The following DCUN1D4 variants were observed in gnomAD, a reference collection of about 807,000 sequenced individuals.
DCUN1D4 encodes the protein DCN1-like protein 4.
In DCUN1D4, 22 loss-of-function variants were observed where a neutral mutation model predicts 47.9. The observed-to-expected ratio is 0.46, with a 90% CI of 0.33 to 0.66. The LOEUF is 0.66. Ranked by LOEUF, DCUN1D4 falls within the 30% of genes least tolerant of loss-of-function variation. The pLI is 0.02. For missense variants in DCUN1D4, 301 were observed against 340.8 expected (o/e 0.88, Z 0.92); for synonymous variants, 121 against 112.2 (o/e 1.08, Z -0.50).
rs760026098 is a variant in DCUN1D4 at position 51,913,546 on chromosome 4, G to A, written c.841G>A (p.Glu281Lys). 1.9e-6 allele frequency: 3 copies of A among 1,612,526 alleles called. No individual in the cohort carries two copies. The highest frequency in any genetic ancestry group is 2.5e-6 in the Non-Finnish European group (3 of 1,179,100). ...EDGAWPVLLD[E>K]FVEWYKDKQM... Reference sequence around the variant, plus strand: ...CTCTCCAGGGCCAGTTTTGTTGGACGAGTTTGTGGAGTGGTATAAAGACAA... The same window carrying A: ...CTCTCCAGGGCCAGTTTTGTTGGACAAGTTTGTGGAGTGGTATAAAGACAA... Residue 281 changes from glutamate to lysine, a missense_variant, in exon 11 of 11, where the codon GAG becomes AAG. Glu to Lys is a moderately conservative substitution (Grantham distance 56). Coordinates refer to ENST00000334635, the MANE Select transcript of DCUN1D4 (RefSeq NM_001040402.3).
At chr4:51,842,479 A>C (rs995084425), upstream of DCUN1D4, among the ~76,000 whole-genome samples, 3 of 152,234 alleles carry the variant, frequency 2.0e-5, no homozygotes, top group African/African-American at 7.2e-5. Context: ...TGGGGAGAGG[A>C]TGGATCTTCG....
intron 3 of DCUN1D4, among the ~76,000 whole-genome samples, chr4:51,866,619 C>A (rs1290604669): frequency 6.6e-6 from 1 of 152,102 alleles, no homozygotes; most frequent in Non-Finnish European, 1.5e-5. Context: ...AACTTTTAGC[C>A]ACCACTAATA....
intron 8 of DCUN1D4, among the ~76,000 whole-genome samples, chr4:51,900,272 G>A (rs560978510): frequency 2.0e-5 from 3 of 151,490 alleles, no homozygotes; most frequent in Non-Finnish European, 4.4e-5. Context: ...GAATTTTGAT[G>A]CATCTTGCAA....
chr4:51,887,700 G>GA (rs1729723038), intron 6 of DCUN1D4, among the ~76,000 whole-genome samples: 1 of 152,160 alleles, frequency 6.6e-6, no homozygotes, highest in South Asian at 2.1e-4. Flanking sequence ...CTGTTTCCAA[G>GA]ACATCTGGTG....
chr4:51,915,283 A>G lies in DCUN1D4; in HGVS notation c.*1699A>G, dbSNP rs1035008868. On this transcript the variant is annotated 3_prime_UTR_variant, in exon 11 of 11. Coordinates refer to ENST00000334635, the MANE Select transcript of DCUN1D4 (RefSeq NM_001040402.3). ...AATCATGATATAGTAGAATGCAACTACTTTCTTTTTCTACCAAACGAAAGG... is the reference window on the plus strand; with the variant it reads ...AATCATGATATAGTAGAATGCAACTGCTTTCTTTTTCTACCAAACGAAAGG... 2 of 152,584 alleles carry G rather than the reference A, an allele frequency of 1.3e-5. No individual in the cohort carries two copies. The highest frequency in any genetic ancestry group is 4.8e-5 in the African/African-American group (2 of 41,442). The allele number at this position is 152,584 out of a possible 1,614,324, so 9.5% of individuals were successfully genotyped here. A position where few individuals can be genotyped will look rare whatever the true frequency, so the allele number is the denominator to read the frequency against.
upstream of DCUN1D4, among the ~76,000 whole-genome samples, chr4:51,841,804 A>G (rs1337918995): frequency 1.3e-5 from 2 of 151,986 alleles, no homozygotes; most frequent in Non-Finnish European, 2.9e-5. Flanking sequence ...GAAACCCAAA[A>G]GCCTGGGCTG....
chr4:51,835,638 G>A, the DCUN1D4 span, among the ~76,000 whole-genome samples: 1 of 152,132 alleles, frequency 6.6e-6, no homozygotes, highest in Non-Finnish European at 1.5e-5. Context: ...TAGCCTGTGG[G>A]GTGGGGACAG....
the DCUN1D4 span, among the ~76,000 whole-genome samples, chr4:51,835,397 A>G: frequency 6.6e-6 from 1 of 152,252 alleles, no homozygotes; most frequent in Non-Finnish European, 1.5e-5. Context: ...TACCTGCTAC[A>G]AAGTCAGTGG....
chr4:51,909,493 A>C (rs1045889763), intron 8 of DCUN1D4: 5 of 156,564 alleles, frequency 3.2e-5, no homozygotes, highest in African/African-American at 1.2e-4. Context: ...GTGTCATCAC[A>C]GAAGTGTAAG....
At chr4:51,836,957 GC>G in the DCUN1D4 span, among the ~76,000 whole-genome samples, 1 of 152,188 alleles carries the variant, frequency 6.6e-6, no homozygotes, top group South Asian at 2.1e-4. Context: ...GAAATTAAGA[GC>G]CTGACAATAC....
intron 8 of DCUN1D4, among the ~76,000 whole-genome samples, chr4:51,908,084 G>A (rs182359978): frequency 6.2e-4 from 95 of 152,152 alleles, no homozygotes; most frequent in Admixed American, 1.2e-3. Context: ...AAAATATAAC[G>A]TAGAATATTT....
At chr4:51,848,514 C>T (rs993336371) in intron 1 of DCUN1D4, 2 of 588,260 alleles carry the variant, frequency 3.4e-6, no homozygotes, top group African/African-American at 4.1e-5. Context: ...GTAAAATTTT[C>T]TTTGATGAAT....
At chr4:51,903,666 G>A (rs959281975) in intron 8 of DCUN1D4, among the ~76,000 whole-genome samples, 2 of 152,074 alleles carry the variant, frequency 1.3e-5, no homozygotes, top group African/African-American at 4.8e-5. Flanking sequence ...CACTGATGCT[G>A]TGTTCCTTTT....
chr4:51,882,311 C>A (rs1728779259), intron 5 of DCUN1D4, among the ~76,000 whole-genome samples: 1 of 152,144 alleles, frequency 6.6e-6, no homozygotes, highest in South Asian at 2.1e-4. Context: ...TCCCATGTGG[C>A]AAACAGGCAA....
intron 5 of DCUN1D4, among the ~76,000 whole-genome samples, chr4:51,882,636 G>A (rs527251599): frequency 2.0e-5 from 3 of 152,134 alleles, no homozygotes; most frequent in African/African-American, 4.8e-5. Flanking sequence ...GCGTGGTGGC[G>A]GGCACCTGTA....
chr4:51,871,980 G>T (rs556798469), intron 3 of DCUN1D4, among the ~76,000 whole-genome samples: 1 of 152,284 alleles, frequency 6.6e-6, no homozygotes, highest in Admixed American at 6.5e-5. Flanking sequence ...ATATGGGGGT[G>T]CTTAGTGTCT....
At chr4:51,843,119 T>G, upstream of DCUN1D4, 1 of 1,464,484 alleles carries the variant, frequency 6.8e-7, no homozygotes, top group South Asian at 1.3e-5. Context: ...GAAGGCGAGA[T>G]GGGCGGGCTG....
upstream of DCUN1D4, among the ~76,000 whole-genome samples, chr4:51,839,551 A>G (rs1910742): frequency 0.37 from 56,691 of 151,992 alleles, 12,490 homozygotes; most frequent in East Asian, 0.61. Flanking sequence ...ATTTGGAGAA[A>G]GAAAACTATC....
At chr4:51,867,278 G>A (rs896187107) in intron 3 of DCUN1D4, among the ~76,000 whole-genome samples, 1 of 152,202 alleles carries the variant, frequency 6.6e-6, no homozygotes, top group African/African-American at 2.4e-5. Flanking sequence ...CACAGCCCTG[G>A]CTCAAGGAGC....
Sources: gnomAD v4.1 joint callset for allele counts (sites outside exome capture counted in the v4.1 genomes callset) on GRCh38, gnomAD v4.1.1 for gene constraint, MANE v1.5 for transcripts, NCBI Gene and HGNC (gene_info 2026-07-23, HGNC 2026-07-21) for gene names.